PRR16: variants seen among roughly 807,000 people sequenced by gnomAD.
PRR16 encodes the protein proline rich 16.
PRR16 carries 6 observed loss-of-function variants against 18.2 expected under a neutral mutation model. That is an observed-to-expected ratio of 0.33 (90% CI 0.18 to 0.65). The LOEUF (loss-of-function observed/expected upper bound fraction) is 0.65, where lower values mean the gene tolerates loss of function less well. Ranked by LOEUF, PRR16 falls within the 30% of genes least tolerant of loss-of-function variation. The probability of loss-of-function intolerance (pLI) is 0.74; values close to 1 mark genes in which losing one functional copy is unlikely to be tolerated. For missense variants in PRR16, 412 were observed against 376.6 expected, an observed-to-expected ratio of 1.09 and a Z score of -0.78; for synonymous variants, 151 against 147.8, an observed-to-expected ratio of 1.02 and a Z score of -0.16.
the PRR16 span, among the ~76,000 whole-genome samples, chr5:120,704,325 A>G: frequency 6.6e-6 from 1 of 152,120 alleles, no homozygotes; most frequent in African/African-American, 2.4e-5. Context: ...TGGGAAACTG[A>G]CATTATTGGC....
intron 1 of PRR16, among the ~76,000 whole-genome samples, chr5:120,507,315 A>G (rs902825582): frequency 6.6e-6 from 1 of 152,132 alleles, no homozygotes; most frequent in Non-Finnish European, 1.5e-5. Flanking sequence ...GACATGAACA[A>G]CTTATTTCCA....
chr5:120,766,096 G>T, the PRR16 span, among the ~76,000 whole-genome samples: 1 of 151,978 alleles, frequency 6.6e-6, no homozygotes, highest in Admixed American at 6.6e-5. Flanking sequence ...CTTTGGTAAA[G>T]CTATCTATCT....
At chr5:120,766,967 A>G in the PRR16 span, among the ~76,000 whole-genome samples, 1 of 151,888 alleles carries the variant, frequency 6.6e-6, no homozygotes, top group Non-Finnish European at 1.5e-5. Context: ...GTGATTTTTT[A>G]TTTCAGAAAT....
chr5:120,572,592 A>G (rs980418411), intron 1 of PRR16, among the ~76,000 whole-genome samples: 1 of 152,106 alleles, frequency 6.6e-6, no homozygotes, highest in Non-Finnish European at 1.5e-5. Context: ...CTTTGAGCAG[A>G]GAGATATTTG....
the PRR16 span, among the ~76,000 whole-genome samples, chr5:120,701,738 A>G: frequency 5.9e-5 from 9 of 152,114 alleles, no homozygotes; most frequent in Non-Finnish European, 1.2e-4. Context: ...GAGGGGATAG[A>G]CAGGAGGGAA....
At chr5:120,708,814 G>A in the PRR16 span, among the ~76,000 whole-genome samples, 28 of 151,872 alleles carry the variant, frequency 1.8e-4, no homozygotes, top group African/African-American at 5.1e-4. Context: ...ATTATCAAAC[G>A]CATTTAGTTT....
chr5:120,663,955 A>G (rs1344097810), intron 1 of PRR16, among the ~76,000 whole-genome samples: 3 of 152,122 alleles, frequency 2.0e-5, no homozygotes, highest in Non-Finnish European at 4.4e-5. Context: ...TACTTAAAAA[A>G]TCAACTATAT....
At chr5:120,595,049 A>G (rs891100292) in intron 1 of PRR16, among the ~76,000 whole-genome samples, 1 of 151,894 alleles carries the variant, frequency 6.6e-6, no homozygotes. Context: ...AGGAACTGGT[A>G]TAGGCATCAT....
chr5:120,639,126 A>AT (rs1464906172), intron 1 of PRR16, among the ~76,000 whole-genome samples: 4 of 152,016 alleles, frequency 2.6e-5, no homozygotes, highest in Admixed American at 2.6e-4. Context: ...GCAATAACTT[A>AT]TTTTTGTTGC....
intron 1 of PRR16, among the ~76,000 whole-genome samples, chr5:120,487,581 T>G (rs1050994208): frequency 7.2e-5 from 11 of 152,182 alleles, no homozygotes; most frequent in African/African-American, 2.4e-4. Flanking sequence ...TATACAATCA[T>G]GTCATCTGCA....
chr5:120,646,060 A>ATATATATATATC (rs1431571772), intron 1 of PRR16, among the ~76,000 whole-genome samples: 1 of 145,072 alleles, frequency 6.9e-6, no homozygotes, highest in Non-Finnish European at 1.5e-5. Context: ...ATATATATAT[A>ATATATATATATC]TATATATATA....
the PRR16 span, among the ~76,000 whole-genome samples, chr5:120,735,472 A>T: frequency 6.6e-6 from 1 of 152,080 alleles, no homozygotes; most frequent in African/African-American, 2.4e-5. Flanking sequence ...ATCCTTACCC[A>T]TATTTGTTAT....
chr5:120,491,128 G>A (rs1012374380), intron 1 of PRR16, among the ~76,000 whole-genome samples: 6 of 152,122 alleles, frequency 3.9e-5, no homozygotes, highest in East Asian at 3.9e-4. Context: ...CAGTCTGTCC[G>A]TTCTCAGATC....
chr5:120,578,270 A>T (rs1316824574), intron 1 of PRR16, among the ~76,000 whole-genome samples: 1 of 151,950 alleles, frequency 6.6e-6, no homozygotes, highest in Non-Finnish European at 1.5e-5. Context: ...AGTTACTATA[A>T]TTTTTTTCTT....
intron 1 of PRR16, among the ~76,000 whole-genome samples, chr5:120,663,820 C>T (rs1247119867): frequency 6.6e-6 from 1 of 152,148 alleles, no homozygotes; most frequent in Non-Finnish European, 1.5e-5. Flanking sequence ...AGCAATAAAA[C>T]AACTTGTAAT....
At chr5:120,498,359 GTA>G (rs757721426) in intron 1 of PRR16, among the ~76,000 whole-genome samples, 7 of 145,108 alleles carry the variant, frequency 4.8e-5, no homozygotes, top group Non-Finnish European at 4.6e-5. Context: ...ATCTATAAAT[GTA>G]TATATATATA....
chr5:120,721,968 C>A, the PRR16 span, among the ~76,000 whole-genome samples: 16 of 152,114 alleles, frequency 1.1e-4, no homozygotes, highest in East Asian at 3.1e-3. Context: ...TGCTTTGCTG[C>A]ACCCATTAAG....
the PRR16 span, among the ~76,000 whole-genome samples, chr5:120,693,752 C>A: frequency 6.9e-6 from 1 of 144,264 alleles, no homozygotes; most frequent in African/African-American, 2.6e-5. Flanking sequence ...GGGTTACACA[C>A]ATAGTTAAGG....
At chr5:120,604,844 A>T (rs889671467) in intron 1 of PRR16, among the ~76,000 whole-genome samples, 4 of 152,150 alleles carry the variant, frequency 2.6e-5, no homozygotes, top group Admixed American at 2.6e-4. Context: ...TTTGTTAAGG[A>T]TGCTGAATAT....
Sources: allele counts gnomAD v4.1 joint callset (sites outside exome capture counted in the v4.1 genomes callset), GRCh38; gene constraint gnomAD v4.1.1; transcripts MANE v1.5; gene names NCBI Gene and HGNC (gene_info 2026-07-23, HGNC 2026-07-21).